BSND: variants seen among roughly 807,000 people sequenced by gnomAD.
BSND encodes barttin.
Under a neutral mutation model 18.8 loss-of-function variants are expected in BSND, and 13 were observed. That is an observed-to-expected ratio of 0.69 (90% CI 0.45 to 1.10). The LOEUF is 1.10. BSND is among the 50% of genes least tolerant of loss of function. BSND has a pLI of 0.00. For synonymous variants in BSND, 170 were observed against 161.8 expected (o/e 1.05, Z -0.39); for missense variants, 379 against 416.7 (o/e 0.91, Z 0.79).
intron 1 of BSND, among the ~76,000 whole-genome samples, chr1:55,001,682 T>A (rs1644362468): frequency 6.6e-6 from 1 of 152,092 alleles, no homozygotes; most frequent in Non-Finnish European, 1.5e-5. Flanking sequence ...AAGCTGTCCA[T>A]GTCTTTTAGG....
In BSND at chr1:55,008,524, G is replaced by C. The variant is rs376784896; in HGVS notation, c.859G>C (p.Glu287Gln). Residue 287 changes from glutamate to glutamine, a missense_variant, in exon 4 of 4, where the codon GAA (glutamate) becomes CAA (glutamine). Glu to Gln is a conservative substitution (Grantham distance 29, BLOSUM62 2). Transcript: ENST00000651561. ...GGAGGCTTCGGACACAGGTGGGGAG[G>C]AACCTGAGAAGGAAGAGGAAGACCT... Reference protein sequence around the residue: ...EKEASDTGGEEPEKEEEDLYY... With the variant: ...EKEASDTGGEQPEKEEEDLYY... 3 of 1,614,204 alleles carry C rather than the reference G, an allele frequency of 1.9e-6. No individual in the cohort carries two copies. The Admixed American group carries it at 5.0e-5, about 27-fold the overall frequency.
rs759685760 is a variant in BSND, at chr1:54,999,254, C to T, written c.68C>T (p.Thr23Met). 2.8e-5 allele frequency: 45 copies of T among 1,613,986 alleles called. No individual in the cohort carries two copies. The highest frequency in any genetic ancestry group is 9.3e-5 in the African/African-American group (7 of 74,874). Residue 23 changes from threonine (T) to methionine (M), a missense_variant, in exon 1 of 4, where the codon ACG becomes ATG. Coordinates refer to ENST00000651561, the MANE Select transcript of BSND (RefSeq NM_057176.3). ...VLGLFLLALG[T>M]FLMSHDRPQV... Reference sequence around the variant, plus strand: ...GGGCTTTTCCTGCTGGCCCTCGGTACGTTCCTCATGAGCCATGATCGGCCC... The same window carrying T: ...GGGCTTTTCCTGCTGGCCCTCGGTATGTTCCTCATGAGCCATGATCGGCCC...
intron 2 of BSND, among the ~76,000 whole-genome samples, chr1:55,006,705 T>C (rs1033828631): frequency 7.2e-5 from 11 of 152,330 alleles, no homozygotes; most frequent in African/African-American, 2.6e-4. Context: ...AAACTCAATG[T>C]TAACGGGTCT....
Position 55,010,905 on chromosome 1 carries a change from C to T in BSND, c.*2277C>T, listed in dbSNP as rs924138285. 6.6e-6 allele frequency: 1 copy of T among 152,252 alleles called. No individual in the cohort carries two copies. The highest frequency in any genetic ancestry group is 1.5e-5 in the Non-Finnish European group (1 of 68,054). The allele number at this position is 152,252 out of a possible 1,614,324, so 9.4% of individuals were successfully genotyped here. ...TAAAGGGGTCATCTTCATTCACCTGCAAATTCTTTTCTTTAAAACCACCCC... is the reference window on the plus strand; with the variant it reads ...TAAAGGGGTCATCTTCATTCACCTGTAAATTCTTTTCTTTAAAACCACCCC... On this transcript the variant is annotated 3_prime_UTR_variant, in exon 4 of 4. Transcript: ENST00000651561.
chr1:55,001,032 G>A (rs966320873), intron 1 of BSND, among the ~76,000 whole-genome samples: 1 of 152,146 alleles, frequency 6.6e-6, no homozygotes, highest in Non-Finnish European at 1.5e-5. Flanking sequence ...ATGGGTTCAC[G>A]TGCTGTGGAG....
Position 55,016,711 on chromosome 1 carries a change from A to T in BSND, c.*8083A>T, listed in dbSNP as rs1319035859. ...CAGCCTCCTGAGTAGCTGGGATTAC[A>T]GGAGCACACCACAGTGCCTGGCTTT... On this transcript the variant is annotated 3_prime_UTR_variant, in exon 4 of 4. Transcript: ENST00000651561. Among the ~76,000 whole-genome samples, 1 of 152,234 alleles carries T rather than the reference A, an allele frequency of 6.6e-6. No individual in the cohort carries two copies. The highest frequency in any genetic ancestry group is 1.5e-5 in the Non-Finnish European group (1 of 68,038).
intron 1 of BSND, among the ~76,000 whole-genome samples, chr1:55,000,758 G>A (rs780657200): frequency 1.6e-4 from 25 of 152,234 alleles, no homozygotes; most frequent in Non-Finnish European, 2.9e-4. Context: ...GCAATTCCTT[G>A]AGCAGAGGTC....
rs373918982 is a variant in BSND, at chr1:54,999,143, C to T, written c.-44C>T. The T allele has an allele frequency of 9.7e-4, 1,561 of 1,610,742 alleles. 5 individuals carry two copies. The highest frequency in any genetic ancestry group is 1.3e-3 in the Non-Finnish European group (1,498 of 1,179,188). On this transcript the variant is annotated 5_prime_UTR_variant, in exon 1 of 4. Coordinates refer to ENST00000651561, the MANE Select transcript of BSND (RefSeq NM_057176.3). ...GGTGTTTAGGCTGAACTACAGCCACCCCCTCTCCCGGGGGTGTGCAGGCCA... is the reference window on the plus strand; with the variant it reads ...GGTGTTTAGGCTGAACTACAGCCACTCCCTCTCCCGGGGGTGTGCAGGCCA...
chr1:55,000,636 C>T (rs891359711), intron 1 of BSND, among the ~76,000 whole-genome samples: 1 of 152,270 alleles, frequency 6.6e-6, no homozygotes, highest in Non-Finnish European at 1.5e-5. Flanking sequence ...CTCCCCAGCC[C>T]TGCCCCCTCC....
chr1:55,001,576 TG>T (rs1315814088), intron 1 of BSND, among the ~76,000 whole-genome samples: 1 of 151,986 alleles, frequency 6.6e-6, no homozygotes, highest in Non-Finnish European at 1.5e-5. Context: ...GCCAGACCTA[TG>T]GAAAGTTTTG....
chr1:55,005,155 C>T, intron 2 of BSND, 39 bp downstream of exon 2: 2 of 1,589,966 alleles, frequency 1.3e-6, no homozygotes, highest in African/African-American at 1.3e-5. Context: ...GGAGTAAGCC[C>T]CATAGGCCAG....
rs1442208758 is a variant in BSND, at chr1:55,012,323, C to T, written c.*3695C>T. ...CGTCACCCCTATTACCCTATCTAGTCCGTGAAACAGCCCTGGGGGACCGAT... is the reference window on the plus strand; with the variant it reads ...CGTCACCCCTATTACCCTATCTAGTTCGTGAAACAGCCCTGGGGGACCGAT... On this transcript the variant is annotated 3_prime_UTR_variant, in exon 4 of 4. Coordinates refer to ENST00000651561, the MANE Select transcript of BSND (RefSeq NM_057176.3). Among the ~76,000 whole-genome samples, 1 of 152,192 alleles carries T rather than the reference C, an allele frequency of 6.6e-6. No homozygotes were observed. Among genetic ancestry groups the T allele is most frequent in the Non-Finnish European group, 1.5e-5 (1 of 68,036 alleles).
intron 3 of BSND, among the ~76,000 whole-genome samples, chr1:55,007,496 A>C (rs1407439595): frequency 2.0e-5 from 3 of 152,102 alleles, no homozygotes; most frequent in Non-Finnish European, 1.5e-5. Flanking sequence ...TAGCTGTGGT[A>C]GGTTCCTTAC....
Position 55,014,024 on chromosome 1 carries a change from C to T in BSND, c.*5396C>T, listed in dbSNP as rs572414059. ...TCCACTGCACCCTCTCCTCCGAATC[C>T]CTCCTAAACTGTGTGCCCCGCTCTG... On this transcript the variant is annotated 3_prime_UTR_variant, in exon 4 of 4. Transcript: ENST00000651561. Among the ~76,000 whole-genome samples, 1 of 152,310 alleles carries T rather than the reference C, an allele frequency of 6.6e-6. No homozygotes were observed. Among genetic ancestry groups the T allele is most frequent in the South Asian group, 2.1e-4 (1 of 4,828 alleles).
chr1:55,016,865 G>A lies in BSND; in HGVS notation c.*8237G>A, dbSNP rs567286752. Among the ~76,000 whole-genome samples the A allele has an allele frequency of 2.5e-4, 38 of 152,214 alleles. No individual in the cohort carries two copies. Among genetic ancestry groups the A allele is most frequent in the Non-Finnish European group, 4.9e-4 (33 of 68,034 alleles). On this transcript the variant is annotated 3_prime_UTR_variant, in exon 4 of 4. Transcript: ENST00000651561. ...AGAATCTCAATGTTCAGCAACAGGA[G>A]ACTGGCTAAGACATCATGCCACAGC... is the stretch of plus-strand genomic sequence containing the variant.
intron 1 of BSND, among the ~76,000 whole-genome samples, chr1:55,003,787 A>G (rs932747594): frequency 5.3e-5 from 8 of 152,202 alleles, no homozygotes; most frequent in African/African-American, 1.7e-4. Context: ...TTCCCTATAT[A>G]TGATCTCATG....
At position 55,010,810 on chromosome 1, in the gene BSND, A is replaced by G. The variant is rs1644418654; in HGVS notation, c.*2182A>G. On this transcript the variant is annotated 3_prime_UTR_variant, in exon 4 of 4. Transcript: ENST00000651561. ...GCTCCTGTGCTCTGTTGCCTAAGGCAGGGCAGCCTACAACCCACGTTAGAA... is the reference window on the plus strand; with the variant it reads ...GCTCCTGTGCTCTGTTGCCTAAGGCGGGGCAGCCTACAACCCACGTTAGAA... 1 of 152,252 alleles carries G rather than the reference A, an allele frequency of 6.6e-6. No individual in the cohort carries two copies. Among genetic ancestry groups the G allele is most frequent in the African/African-American group, 2.4e-5 (1 of 41,466 alleles). 9.4% of individuals were successfully genotyped at this position (152,252 alleles called of 1,614,324 possible).
Position 55,007,277 on chromosome 1 carries a change from G to C in BSND, c.548+5G>C. ...CCTAACTCAGAGCTGGCCCGGGTGA[G>C]TGCTTAGAGGGCAGGAGTGGGGCTT... On this transcript the variant is annotated splice_donor_5th_base_variant and intron_variant, in intron 3 of 3. Transcript: ENST00000651561. 6.3e-7 allele frequency: 1 copy of C among 1,589,928 alleles called. No homozygotes were observed. Among genetic ancestry groups the C allele is most frequent in the Middle Eastern group, 1.7e-4 (1 of 5,922 alleles).
In BSND at chr1:55,014,547, A is replaced by C. The variant is rs1644440329; in HGVS notation, c.*5919A>C. 1.3e-5 allele frequency among the ~76,000 whole-genome samples: 2 copies of C among 152,242 alleles called. No individual in the cohort carries two copies. On this transcript the variant is annotated 3_prime_UTR_variant, in exon 4 of 4. Transcript: ENST00000651561. The stretch of plus-strand genomic sequence containing the variant: ...GATGATGTTACAATGTGTAGACATC[A>C]GGTGCCCATGTGCACCTGGGTCGTT...
Sources: allele counts gnomAD v4.1 joint callset (sites outside exome capture counted in the v4.1 genomes callset), GRCh38; gene constraint gnomAD v4.1.1; transcripts MANE v1.5; gene names NCBI Gene and HGNC (gene_info 2026-07-23, HGNC 2026-07-21).